The following RUNX1T1 variants were observed in gnomAD, a reference collection of about 807,000 sequenced individuals.
The protein encoded by RUNX1T1 is protein CBFA2T1.
In RUNX1T1, 4 loss-of-function variants were observed where a neutral mutation model predicts 62.8. That is an observed-to-expected ratio of 0.06 (90% CI 0.03 to 0.15). RUNX1T1 has a LOEUF of 0.15. Among genes scored for constraint, RUNX1T1 ranks in the 10% least tolerant of loss-of-function variants. The pLI, the probability that RUNX1T1 is intolerant of heterozygous loss-of-function variation, is 1.00. For synonymous variants in RUNX1T1, 291 were observed against 286.0 expected (o/e 1.02, Z -0.18); for missense variants, 508 against 754.3 (o/e 0.67, Z 3.82).
chr8:91,982,210 C>T lies in RUNX1T1; in HGVS notation c.1198+3914G>A, dbSNP rs114015727. On this transcript the variant is annotated intron_variant, in intron 8 of 10. Coordinates refer to ENST00000396218, the Ensembl canonical transcript of RUNX1T1. ...CGAGATTATGCCACCACACTCCACCCTGAGCAACAAAGTGAGACCCTGTCT... is the reference window on the plus strand; with the variant it reads ...CGAGATTATGCCACCACACTCCACCTTGAGCAACAAAGTGAGACCCTGTCT... Among the ~76,000 whole-genome samples the T allele has an allele frequency of 7.1e-4, 104 of 147,500 alleles. 1 individual carries two copies. Among genetic ancestry groups the T allele is most frequent in the African/African-American group, 2.5e-3 (99 of 39,472 alleles).
intron 1 of RUNX1T1, among the ~76,000 whole-genome samples, chr8:92,033,522 T>C (rs1035852206): frequency 1.3e-5 from 2 of 152,208 alleles, no homozygotes; most frequent in Admixed American, 1.3e-4. Context: ...CAGTGGCTCA[T>C]GCCTGTAATC....
At chr8:92,057,364 T>C (rs1468949462) in intron 1 of RUNX1T1, among the ~76,000 whole-genome samples, 2 of 152,218 alleles carry the variant, frequency 1.3e-5, no homozygotes, top group African/African-American at 4.8e-5. Flanking sequence ...ATCCCATCTC[T>C]ACCATTTAAC....
intron 1 of RUNX1T1, among the ~76,000 whole-genome samples, chr8:92,050,426 A>G (rs1425284171): frequency 1.3e-5 from 2 of 152,156 alleles, no homozygotes; most frequent in African/African-American, 2.4e-5. Context: ...TATGATCCCT[A>G]TGTCAGTGAT....
intron 4 of RUNX1T1, 73 bp from the exon 6 acceptor site, chr8:92,005,370 CG>C: frequency 1.5e-6 from 2 of 1,370,186 alleles, no homozygotes; most frequent in East Asian, 4.7e-5. Flanking sequence ...CTCTGCTTTT[CG>C]AACACTGGAG....
In RUNX1T1 at chr8:92,095,094, C is replaced by T. The variant is rs1837593665; in HGVS notation, c.-86+4486G>A. The T allele has an allele frequency of 6.5e-7, 1 of 1,535,478 alleles. No homozygotes were observed. Among genetic ancestry groups the T allele is most frequent in the Admixed American group, 2.0e-5 (1 of 50,980 alleles). On this transcript the variant is annotated intron_variant, in intron 1 of 11. Coordinates refer to the RUNX1T1 transcript ENST00000265814. ...GCGTCAAGGCCAGGGGTAGATGCCT[C>T]CTCCTCACCCCACACAACAAAAGGC...
At chr8:92,043,717 C>CT (rs1178186940) in intron 1 of RUNX1T1, among the ~76,000 whole-genome samples, 1 of 151,988 alleles carries the variant, frequency 6.6e-6, no homozygotes, top group Non-Finnish European at 1.5e-5. Context: ...TGGCTCACAC[C>CT]TGTAATCCCA....
chr8:92,079,237 T>C (rs1040900116), intron 1 of RUNX1T1, among the ~76,000 whole-genome samples: 10 of 152,232 alleles, frequency 6.6e-5, no homozygotes, highest in Non-Finnish European at 8.8e-5. Flanking sequence ...TTTTCCTTCA[T>C]AGAAACATTT....
intron 5 of RUNX1T1, among the ~76,000 whole-genome samples, chr8:92,000,294 T>G (rs1819517556): frequency 1.3e-5 from 2 of 152,122 alleles, no homozygotes; most frequent in South Asian, 4.1e-4. Flanking sequence ...GGGTGAAACT[T>G]CATCTCAAAA....
chr8:91,958,507 C>G (rs1048394513), downstream of RUNX1T1: 1 of 189,492 alleles, frequency 5.3e-6, no homozygotes, highest in African/African-American at 2.3e-5. Context: ...ATTTGGAGCT[C>G]TAATGATTTT....
chr8:92,048,812 C>A (rs1829805930), intron 1 of RUNX1T1, among the ~76,000 whole-genome samples: 1 of 151,768 alleles, frequency 6.6e-6, no homozygotes, highest in African/African-American at 2.4e-5. Flanking sequence ...CCACATTGGC[C>A]AAGTAACTGA....
intron 10 of RUNX1T1, among the ~76,000 whole-genome samples, chr8:91,964,277 C>A (rs1811126995): frequency 6.6e-6 from 1 of 152,132 alleles, no homozygotes; most frequent in African/African-American, 2.4e-5. Flanking sequence ...CCTTCTGGTT[C>A]TTACTGCAGA....
At chr8:92,024,694 T>A (rs1375177565) in intron 1 of RUNX1T1, among the ~76,000 whole-genome samples, 1 of 152,128 alleles carries the variant, frequency 6.6e-6, no homozygotes, top group Non-Finnish European at 1.5e-5. Flanking sequence ...CAGAATTCCA[T>A]GAGTCTAATA....
At chr8:92,098,149 G>A (rs1837873879) in intron 1 of RUNX1T1, among the ~76,000 whole-genome samples, 5 of 152,166 alleles carry the variant, frequency 3.3e-5, no homozygotes, top group Admixed American at 3.3e-4. Context: ...ATTCTAGTGT[G>A]CTATAATGTG....
At chr8:91,980,412 T>C (rs975800100) in intron 8 of RUNX1T1, among the ~76,000 whole-genome samples, 3 of 152,190 alleles carry the variant, frequency 2.0e-5, no homozygotes, top group Admixed American at 6.5e-5. Context: ...AATATTTCAT[T>C]GGCTGGGAGA....
At chr8:92,054,718 A>C (rs1830755211) in intron 1 of RUNX1T1, among the ~76,000 whole-genome samples, 1 of 152,166 alleles carries the variant, frequency 6.6e-6, no homozygotes, top group Non-Finnish European at 1.5e-5. Context: ...CATTCAGCAC[A>C]GGGCCAGGCG....
intron 1 of RUNX1T1, among the ~76,000 whole-genome samples, chr8:92,080,167 C>G (rs1835026029): frequency 6.6e-6 from 1 of 152,120 alleles, no homozygotes; most frequent in Admixed American, 6.5e-5. Flanking sequence ...TGGAACTGGA[C>G]TAGGAACCTA....
chr8:92,075,451 C>A (rs1407917893), intron 2 of RUNX1T1, among the ~76,000 whole-genome samples: 1 of 152,168 alleles, frequency 6.6e-6, no homozygotes, highest in East Asian at 1.9e-4. Context: ...CTTAATGTGT[C>A]TATGGAATGA....
chr8:92,000,995 G>A (rs1013844600), intron 5 of RUNX1T1, among the ~76,000 whole-genome samples: 4 of 152,128 alleles, frequency 2.6e-5, no homozygotes, highest in African/African-American at 9.7e-5. Flanking sequence ...TGCAACATTA[G>A]GCAATTTATT....
chr8:92,002,814 T>C (rs957030112), intron 5 of RUNX1T1, among the ~76,000 whole-genome samples: 2 of 152,034 alleles, frequency 1.3e-5, no homozygotes, highest in Non-Finnish European at 2.9e-5. Flanking sequence ...AGCTCCATAC[T>C]CTATAAAATT....
Sources: gnomAD v4.1 joint callset for allele counts (sites outside exome capture counted in the v4.1 genomes callset) on GRCh38, gnomAD v4.1.1 for gene constraint, MANE v1.5 for transcripts, NCBI Gene and HGNC (gene_info 2026-07-23, HGNC 2026-07-21) for gene names.